The following IQCM variants were observed in gnomAD, a reference collection of about 807,000 sequenced individuals.
IQCM encodes the protein IQ motif containing M.
A neutral mutation model predicts 57.6 loss-of-function variants in IQCM; 45 were observed. That is an observed-to-expected ratio of 0.78 (90% CI 0.62 to 1.00). IQCM has a LOEUF of 1.00. Among genes scored for constraint, IQCM ranks in the 50% least tolerant of loss-of-function variants. The pLI is 0.00. For missense variants in IQCM, 468 were observed against 511.6 expected, an observed-to-expected ratio of 0.91 and a Z score of 0.82; for synonymous variants, 148 against 158.9, an observed-to-expected ratio of 0.93 and a Z score of 0.51.
At chr4:149,404,777 T>C (rs1732864088) in intron 13 of IQCM, among the ~76,000 whole-genome samples, 2 of 152,142 alleles carry the variant, frequency 1.3e-5, no homozygotes, top group East Asian at 1.9e-4. Flanking sequence ...ACAGAAAATA[T>C]GTATACAAAT....
At chr4:149,765,012 G>A (rs1769902408) in intron 2 of IQCM, among the ~76,000 whole-genome samples, 1 of 152,026 alleles carries the variant, frequency 6.6e-6, no homozygotes, top group Non-Finnish European at 1.5e-5. Context: ...ATAAAGAGGA[G>A]AAGAGTTGAC....
At chr4:149,576,415 G>A (rs144572446) in intron 9 of IQCM, among the ~76,000 whole-genome samples, 163 of 151,872 alleles carry the variant, frequency 1.1e-3, no homozygotes, top group Non-Finnish European at 1.9e-3. Context: ...AGCTTTAAGG[G>A]TACAAGTGGT....
At chr4:149,757,040 C>T (rs567854802) in intron 2 of IQCM, among the ~76,000 whole-genome samples, 29 of 152,226 alleles carry the variant, frequency 1.9e-4, no homozygotes, top group South Asian at 1.2e-3. Flanking sequence ...GGGTGGATCA[C>T]GAGGTCAGGA....
chr4:149,641,987 C>A (rs1382470975), intron 7 of IQCM, among the ~76,000 whole-genome samples: 4 of 152,044 alleles, frequency 2.6e-5, no homozygotes, highest in Admixed American at 6.6e-5. Flanking sequence ...AACATTAATA[C>A]CTTGTCTATC....
intron 9 of IQCM, among the ~76,000 whole-genome samples, chr4:149,566,188 T>C: frequency 6.6e-6 from 1 of 152,206 alleles, no homozygotes; most frequent in East Asian, 1.9e-4. Context: ...TGATTACTTC[T>C]GGCTTGTCCG....
chr4:149,489,767 A>C (rs1741891406), intron 12 of IQCM, among the ~76,000 whole-genome samples: 3 of 151,620 alleles, frequency 2.0e-5, no homozygotes, highest in African/African-American at 7.3e-5. Flanking sequence ...CAATACATAT[A>C]TGTGTGTGTG....
At chr4:149,488,025 T>C (rs1223406876) in intron 12 of IQCM, among the ~76,000 whole-genome samples, 1 of 152,142 alleles carries the variant, frequency 6.6e-6, no homozygotes. Context: ...TATTCTGCCA[T>C]CTTGCTCTGC....
At chr4:149,438,167 C>A (rs1053259468) in intron 12 of IQCM, among the ~76,000 whole-genome samples, 1 of 151,906 alleles carries the variant, frequency 6.6e-6, no homozygotes, top group Non-Finnish European at 1.5e-5. Flanking sequence ...AATCCTTTAT[C>A]TTTACCCTGT....
At chr4:149,706,435 C>T (rs370113343) in intron 5 of IQCM, among the ~76,000 whole-genome samples, 2 of 152,060 alleles carry the variant, frequency 1.3e-5, no homozygotes, top group African/African-American at 4.8e-5. Flanking sequence ...GTCTAGATGG[C>T]TGTGCTTTCT....
chr4:149,733,629 A>G (rs1474770166), intron 4 of IQCM, 121 bp from the exon 5 acceptor site: 1 of 451,460 alleles, frequency 2.2e-6, no homozygotes, highest in Non-Finnish European at 3.6e-6. Context: ...CATTTTACAA[A>G]GTACCTTGCT....
At chr4:149,626,258 C>T (rs1251623273) in intron 7 of IQCM, among the ~76,000 whole-genome samples, 1 of 151,864 alleles carries the variant, frequency 6.6e-6, no homozygotes, top group Admixed American at 6.6e-5. Flanking sequence ...CTGGATGCTT[C>T]CTGCCCTCGA....
intron 12 of IQCM, among the ~76,000 whole-genome samples, chr4:149,495,804 C>T (rs780749197): frequency 3.9e-4 from 59 of 152,106 alleles, no homozygotes; most frequent in Non-Finnish European, 7.2e-4. Flanking sequence ...GAAAATACTT[C>T]TCCTCAGATG....
chr4:149,518,362 A>G (rs562189722), intron 12 of IQCM, among the ~76,000 whole-genome samples: 4 of 152,170 alleles, frequency 2.6e-5, no homozygotes, highest in Admixed American at 2.6e-4. Context: ...GTATTCCCTT[A>G]CTCACGAATC....
intron 5 of IQCM, among the ~76,000 whole-genome samples, chr4:149,717,383 T>C (rs1412541375): frequency 6.6e-6 from 1 of 152,098 alleles, no homozygotes; most frequent in Non-Finnish European, 1.5e-5. Flanking sequence ...TTCCCATACG[T>C]TTTGGTGACC....
chr4:149,811,074 A>T (rs546790018), intron 2 of IQCM, among the ~76,000 whole-genome samples: 7 of 152,330 alleles, frequency 4.6e-5, no homozygotes, highest in Admixed American at 4.6e-4. Flanking sequence ...AAGCCTAAAA[A>T]TTTCTAAAAT....
At chr4:149,528,775 C>T (rs1407330935) in intron 12 of IQCM, among the ~76,000 whole-genome samples, 3 of 152,280 alleles carry the variant, frequency 2.0e-5, no homozygotes, top group African/African-American at 7.2e-5. Context: ...GTAGATGGTA[C>T]TTCTGACCAT....
intron 7 of IQCM, among the ~76,000 whole-genome samples, chr4:149,658,739 C>A (rs1759868523): frequency 1.3e-5 from 2 of 151,976 alleles, no homozygotes; most frequent in African/African-American, 4.8e-5. Context: ...TTTTTTATAG[C>A]TATCATGGAA....
rs1294809004 is a variant in IQCM, at chr4:149,563,728, C to T, written c.912G>A (p.Trp304Ter). Residue 304 changes from tryptophan (W) to a stop codon, truncating the protein, a stop_gained, in exon 10 of 14, where the codon TGG (tryptophan) becomes TGA (stop). Coordinates refer to ENST00000636793, the MANE Select transcript of IQCM (RefSeq NM_001363507.2). LOFTEE classifies it high-confidence loss of function. ...VTVMQAHVRG[W>*]LERKRLQRVM... Reference sequence around the variant, plus strand: ...CTCTTTGCAATCTTTTCCGTTCAAGCCATCCCCTGACATGTGCCTGCATGA... The same window carrying T: ...CTCTTTGCAATCTTTTCCGTTCAAGTCATCCCCTGACATGTGCCTGCATGA... 13 of 1,231,974 alleles carry T rather than the reference C, an allele frequency of 1.1e-5. No individual in the cohort carries two copies. The highest frequency in any genetic ancestry group is 3.1e-4 in the Middle Eastern group (1 of 3,208). 76.3% of individuals were successfully genotyped at this position (1,231,974 alleles called of 1,614,324 possible). A position where few individuals can be genotyped will look rare whatever the true frequency, so the allele number is the denominator to read the frequency against.
At chr4:149,751,209 T>C (rs1768400353) in intron 2 of IQCM, among the ~76,000 whole-genome samples, 1 of 152,208 alleles carries the variant, frequency 6.6e-6, no homozygotes, top group Non-Finnish European at 1.5e-5. Context: ...AACCAGAATA[T>C]GGGTTTCCTG....
Sources: gnomAD v4.1 joint callset for allele counts (sites outside exome capture counted in the v4.1 genomes callset) on GRCh38, gnomAD v4.1.1 for gene constraint, MANE v1.5 for transcripts, NCBI Gene and HGNC (gene_info 2026-07-23, HGNC 2026-07-21) for gene names.